The following NGLY1 variants were observed in gnomAD, a reference collection of about 807,000 sequenced individuals.
NGLY1 encodes the protein N-glycanase 1.
A neutral mutation model predicts 84.6 loss-of-function variants in NGLY1; 68 were observed. The ratio of observed to expected loss-of-function variants is 0.80; its 90% CI spans 0.66 to 0.98. The LOEUF (loss-of-function observed/expected upper bound fraction) is 0.98, where lower values mean the gene tolerates loss of function less well. Among genes scored for constraint, NGLY1 ranks in the 50% least tolerant of loss-of-function variants. The pLI is 0.00. For missense variants in NGLY1, 779 were observed against 770.2 expected, an observed-to-expected ratio of 1.01 and a Z score of -0.14; for synonymous variants, 280 against 275.2, an observed-to-expected ratio of 1.02 and a Z score of -0.17.
At chr3:25,722,750 C>T (rs1174085075) in intron 10 of NGLY1, among the ~76,000 whole-genome samples, 1 of 152,200 alleles carries the variant, frequency 6.6e-6, no homozygotes, top group Non-Finnish European at 1.5e-5. Context: ...GCATGCTCCT[C>T]TTACAGCCGC....
intron 3 of NGLY1, among the ~76,000 whole-genome samples, chr3:25,758,482 G>A (rs1707147134): frequency 6.6e-6 from 1 of 152,162 alleles, no homozygotes; most frequent in Non-Finnish European, 1.5e-5. Flanking sequence ...GAAGGCTGAG[G>A]TGGGAGGATC....
intron 2 of NGLY1, among the ~76,000 whole-genome samples, chr3:25,774,301 G>GT (rs1708047040): frequency 6.6e-6 from 1 of 152,198 alleles, no homozygotes; most frequent in African/African-American, 2.4e-5. Flanking sequence ...TCAAGAAGAT[G>GT]TAAGCTTGCC....
intron 4 of NGLY1, among the ~76,000 whole-genome samples, chr3:25,748,420 G>A (rs189509866): frequency 5.8e-4 from 88 of 152,192 alleles, no homozygotes; most frequent in Non-Finnish European, 1.1e-3. Flanking sequence ...TGATACCTAC[G>A]GCTAAAGCAA....
At chr3:25,761,311 G>T (rs943518520) in intron 3 of NGLY1, among the ~76,000 whole-genome samples, 1 of 152,000 alleles carries the variant, frequency 6.6e-6, no homozygotes, top group African/African-American at 2.4e-5. Flanking sequence ...GAAACATAAT[G>T]CTTCTAACAT....
At chr3:25,777,299 G>A (rs918776343) in intron 2 of NGLY1, among the ~76,000 whole-genome samples, 3 of 149,680 alleles carry the variant, frequency 2.0e-5, no homozygotes, top group African/African-American at 7.3e-5. Context: ...GGAGGCTGAG[G>A]CAGGAGAATC....
upstream of NGLY1, chr3:25,783,651 A>G (rs1575672276): frequency 3.8e-6 from 1 of 262,240 alleles, no homozygotes; most frequent in South Asian, 1.8e-4. The surrounding 1 kb of genome is among the most constrained non-coding windows in gnomAD (Gnocchi z 4.5). Context: ...GGAGCGGGGG[A>G]GCTCGGCTGG....
At chr3:25,756,682 C>A (rs964158222) in intron 3 of NGLY1, among the ~76,000 whole-genome samples, 2 of 152,186 alleles carry the variant, frequency 1.3e-5, no homozygotes, top group African/African-American at 4.8e-5. Flanking sequence ...TTGATCACTG[C>A]TGCTTGAGTC....
At chr3:25,744,085 C>T (rs1320966097) in intron 4 of NGLY1, among the ~76,000 whole-genome samples, 1 of 152,150 alleles carries the variant, frequency 6.6e-6, no homozygotes, top group Non-Finnish European at 1.5e-5. Flanking sequence ...TTTCTAGTAA[C>T]TTATCAGTGA....
chr3:25,761,871 CAAT>C (rs1171400650), intron 3 of NGLY1, among the ~76,000 whole-genome samples: 3 of 151,918 alleles, frequency 2.0e-5, no homozygotes, highest in Non-Finnish European at 4.4e-5. Flanking sequence ...TATTATTCAA[CAAT>C]AAAAAGGAAC....
chr3:25,749,376 A>G (rs1264267628), intron 4 of NGLY1: 3 of 644,828 alleles, frequency 4.7e-6, no homozygotes, highest in African/African-American at 1.8e-5. Flanking sequence ...ATAAATGGAT[A>G]TGCAAAATGT....
At chr3:25,724,384 C>T (rs376921422) in intron 10 of NGLY1, among the ~76,000 whole-genome samples, 1 of 152,192 alleles carries the variant, frequency 6.6e-6, no homozygotes, top group Non-Finnish European at 1.5e-5. Context: ...CCGGTACTTG[C>T]AATGAGTCTT....
intron 10 of NGLY1, among the ~76,000 whole-genome samples, chr3:25,720,801 T>C (rs1448345946): frequency 2.0e-5 from 3 of 152,196 alleles, no homozygotes; most frequent in Admixed American, 6.5e-5. Flanking sequence ...TCCCCTCTCA[T>C]ACTTTTATCT....
intron 10 of NGLY1, among the ~76,000 whole-genome samples, chr3:25,727,634 C>G (rs1270915567): frequency 6.6e-6 from 1 of 152,158 alleles, no homozygotes; most frequent in East Asian, 1.9e-4. Flanking sequence ...TTGGCTTCCC[C>G]TTTTAGATCG....
In NGLY1 at chr3:25,734,737, C is replaced by T. The variant is rs866702098; in HGVS notation, c.1150-755G>A. On this transcript the variant is annotated intron_variant, in intron 7 of 11. Transcript: ENST00000280700. ...AAAATTAAAATAAAATAAAATAAAA[C>T]GTAAAAGCCTATAAAATAAACGGAA... The T allele has an allele frequency of 1.3e-5, 11 of 872,892 alleles. No individual in the cohort carries two copies. The Admixed American group carries it at 1.9e-4, about 15-fold the overall frequency. 54.1% of individuals were successfully genotyped at this position (872,892 alleles called of 1,614,324 possible). A position where few individuals can be genotyped will look rare whatever the true frequency, so the allele number is the denominator to read the frequency against.
intron 8 of NGLY1, among the ~76,000 whole-genome samples, chr3:25,733,480 TG>T (rs1705654524): frequency 6.8e-6 from 1 of 146,198 alleles, no homozygotes; most frequent in African/African-American, 2.6e-5. Context: ...TGTGTGTGTG[TG>T]TGTGTGTGTG....
chr3:25,775,780 T>C (rs1708130300), intron 2 of NGLY1, among the ~76,000 whole-genome samples: 1 of 152,234 alleles, frequency 6.6e-6, no homozygotes. Context: ...TCATGTTCTA[T>C]AGCACAATAC....
chr3:25,778,925 CTTTTTTTTTTTTTTT>C lies in NGLY1; in HGVS notation c.132-252_132-238del, dbSNP rs565447910. ...GTCTCGCTTCAGTTTAAGATACATT[CTTTTTTTTTTTTTTT>C]TTTTTTTTTTTTGAGAGAGGGGTCT... On this transcript the variant is annotated intron_variant, in intron 1 of 11. Coordinates refer to ENST00000280700, the MANE Select transcript of NGLY1 (RefSeq NM_018297.4). 0.098 allele frequency among the ~76,000 whole-genome samples: 5,369 copies of C among 55,004 alleles called. 422 individuals carry two copies. Among genetic ancestry groups the C allele is most frequent in the African/African-American group, 0.29 (4,882 of 17,050 alleles). 36.1% of individuals were successfully genotyped at this position (55,004 alleles called of 152,430 possible).
intron 9 of NGLY1, 69 bp from the exon 10 acceptor site, chr3:25,729,387 T>A: frequency 1.0e-6 from 1 of 980,736 alleles, no homozygotes; most frequent in Non-Finnish European, 1.4e-6. Context: ...GAGAAATTAC[T>A]AAGCAGAGTG....
At chr3:25,761,140 T>G (rs969893453) in intron 3 of NGLY1, among the ~76,000 whole-genome samples, 4 of 152,020 alleles carry the variant, frequency 2.6e-5, no homozygotes, top group African/African-American at 9.7e-5. Context: ...TGATAAAGAG[T>G]TGATGAAAAG....
Sources: allele counts gnomAD v4.1 joint callset (sites outside exome capture counted in the v4.1 genomes callset), GRCh38; gene constraint gnomAD v4.1.1; non-coding constraint Gnocchi (gnomAD v3.1); transcripts MANE v1.5; gene names NCBI Gene and HGNC (gene_info 2026-07-23, HGNC 2026-07-21).